The following DCC variants were observed in gnomAD, a reference collection of about 807,000 sequenced individuals.
DCC encodes DCC netrin 1 receptor.
DCC carries 58 observed loss-of-function variants against 172.5 expected under a neutral mutation model. The ratio of observed to expected loss-of-function variants is 0.34; its 90% CI spans 0.27 to 0.42. The LOEUF is 0.42. Among genes scored for constraint, DCC ranks in the 10% least tolerant of loss-of-function variants. The probability of loss-of-function intolerance (pLI) is 1.00; values close to 1 mark genes in which losing one functional copy is unlikely to be tolerated. For synonymous variants in DCC, 709 were observed against 644.5 expected (o/e 1.10, Z -1.52); for missense variants, 1,740 against 1,791.0 (o/e 0.97, Z 0.51).
chr18:53,000,700 G>A (rs2041551999), intron 5 of DCC, among the ~76,000 whole-genome samples: 1 of 147,252 alleles, frequency 6.8e-6, no homozygotes, highest in South Asian at 2.2e-4. Context: ...CCAGACAAAA[G>A]TCAGGGACAG....
At chr18:52,355,170 T>C in intron 1 of DCC, among the ~76,000 whole-genome samples, 1 of 151,704 alleles carries the variant, frequency 6.6e-6, no homozygotes, top group East Asian at 1.9e-4. Flanking sequence ...GTTATTTTTG[T>C]AGAAATCAGT....
intron 2 of DCC, among the ~76,000 whole-genome samples, chr18:52,869,643 C>T (rs1163907798): frequency 1.3e-5 from 2 of 152,222 alleles, no homozygotes; most frequent in African/African-American, 4.8e-5. Flanking sequence ...GGGGCACCAG[C>T]AGGCCAGCAC....
chr18:52,448,049 A>G (rs1191537616), intron 1 of DCC, among the ~76,000 whole-genome samples: 1 of 152,110 alleles, frequency 6.6e-6, no homozygotes, highest in African/African-American at 2.4e-5. Context: ...CAGGGCCACA[A>G]ACTGGTACTG....
chr18:52,385,689 T>A (rs939771053), intron 1 of DCC, among the ~76,000 whole-genome samples: 3 of 152,106 alleles, frequency 2.0e-5, no homozygotes, highest in African/African-American at 7.2e-5. Flanking sequence ...CAGGGAGGAA[T>A]GTAAATTCCT....
intron 2 of DCC, among the ~76,000 whole-genome samples, chr18:52,762,285 C>T (rs555106831): frequency 6.6e-6 from 1 of 151,824 alleles, no homozygotes; most frequent in African/African-American, 2.4e-5. Flanking sequence ...TCAGCATGGG[C>T]AACATAGTGA....
At chr18:52,421,221 A>G (rs1188450448) in intron 1 of DCC, among the ~76,000 whole-genome samples, 1 of 152,178 alleles carries the variant, frequency 6.6e-6, no homozygotes, top group African/African-American at 2.4e-5. Context: ...AAAAGAGACA[A>G]GAAGAGAAAG....
intron 7 of DCC, among the ~76,000 whole-genome samples, chr18:53,121,643 AT>A (rs1440320172): frequency 6.6e-6 from 1 of 151,894 alleles, no homozygotes; most frequent in Non-Finnish European, 1.5e-5. Context: ...CTCCTTTGTA[AT>A]TTGCATATTT....
chr18:53,012,904 G>T (rs563746036), intron 5 of DCC, among the ~76,000 whole-genome samples: 16 of 152,162 alleles, frequency 1.1e-4, no homozygotes, highest in African/African-American at 3.6e-4. Flanking sequence ...CCATCAAAAA[G>T]TGGGCAAAGG....
intron 12 of DCC, among the ~76,000 whole-genome samples, chr18:53,256,243 T>G (rs1156572712): frequency 6.6e-6 from 1 of 152,214 alleles, no homozygotes; most frequent in Non-Finnish European, 1.5e-5. Context: ...CAATTTTGGC[T>G]TTTGTTGCCA....
At chr18:52,762,692 T>C (rs1339749064) in intron 2 of DCC, among the ~76,000 whole-genome samples, 1 of 151,918 alleles carries the variant, frequency 6.6e-6, no homozygotes, top group East Asian at 1.9e-4. Flanking sequence ...GGTATGGTAG[T>C]ACATGCCTGC....
At chr18:52,962,957 G>A (rs2040867000) in intron 5 of DCC, among the ~76,000 whole-genome samples, 1 of 120,256 alleles carries the variant, frequency 8.3e-6, no homozygotes, top group African/African-American at 3.1e-5. Flanking sequence ...GACTGTTGTG[G>A]GGTGGGGGGA....
At chr18:52,688,574 A>G (rs1042949953) in intron 1 of DCC, among the ~76,000 whole-genome samples, 2 of 152,092 alleles carry the variant, frequency 1.3e-5, no homozygotes, top group South Asian at 2.1e-4. Context: ...CAACATGAGG[A>G]CTATAGGTAA....
chr18:53,073,251 C>A (rs146971716), intron 7 of DCC, among the ~76,000 whole-genome samples: 7 of 152,098 alleles, frequency 4.6e-5, no homozygotes, highest in Non-Finnish European at 8.8e-5. Flanking sequence ...ATAGGCCCGG[C>A]GCGGTGGCTC....
intron 15 of DCC, among the ~76,000 whole-genome samples, chr18:53,367,591 G>A (rs978061795): frequency 2.0e-5 from 3 of 151,928 alleles, no homozygotes; most frequent in Non-Finnish European, 4.4e-5. Flanking sequence ...CACTTGTAAT[G>A]TTGCGCAGCC....
At chr18:52,609,518 T>G (rs955089177) in intron 1 of DCC, among the ~76,000 whole-genome samples, 1 of 152,118 alleles carries the variant, frequency 6.6e-6, no homozygotes, top group Non-Finnish European at 1.5e-5. Flanking sequence ...CTTCGTTGGA[T>G]GGAGCTGGGT....
At chr18:52,515,393 G>A (rs1288146013) in intron 1 of DCC, among the ~76,000 whole-genome samples, 1 of 151,660 alleles carries the variant, frequency 6.6e-6, no homozygotes, top group South Asian at 2.1e-4. Flanking sequence ...GGATCACAAG[G>A]TCAAGAGATC....
intron 10 of DCC, among the ~76,000 whole-genome samples, chr18:53,205,777 A>G (rs1298037819): frequency 6.6e-6 from 1 of 152,048 alleles, no homozygotes; most frequent in Non-Finnish European, 1.5e-5. Context: ...ATTTATATCT[A>G]ACTCCCTTCC....
chr18:53,400,249 A>G (rs533916004), intron 18 of DCC, among the ~76,000 whole-genome samples: 16 of 152,164 alleles, frequency 1.1e-4, no homozygotes, highest in Admixed American at 2.0e-4. Flanking sequence ...ATTATCACAT[A>G]CTAATTCCAG....
intron 2 of DCC, among the ~76,000 whole-genome samples, chr18:52,753,363 C>A (rs62081901): frequency 0.099 from 15,083 of 152,126 alleles, 954 homozygotes; most frequent in Middle Eastern, 0.22. Flanking sequence ...CAACTGGCTG[C>A]GTAAAGTTAT....
Sources: allele counts gnomAD v4.1 joint callset (sites outside exome capture counted in the v4.1 genomes callset), GRCh38; gene constraint gnomAD v4.1.1; transcripts MANE v1.5; gene names NCBI Gene and HGNC (gene_info 2026-07-23, HGNC 2026-07-21).